The following SLC16A3 variants were observed in gnomAD, a reference collection of about 807,000 sequenced individuals.
SLC16A3 encodes the protein solute carrier family 16 member 3.
SLC16A3 carries 22 observed loss-of-function variants against 25.0 expected under a neutral mutation model. The observed-to-expected ratio is 0.88, with a 90% CI of 0.63 to 1.26. SLC16A3 has a LOEUF of 1.26. SLC16A3 is among the 50% of genes most tolerant of loss of function. SLC16A3 has a pLI of 0.00. For synonymous variants in SLC16A3, 390 were observed against 309.2 expected, an observed-to-expected ratio of 1.26 and a Z score of -2.74; for missense variants, 731 against 666.6, an observed-to-expected ratio of 1.10 and a Z score of -1.06.
chr17:82,228,827 G>A (rs1014699268), upstream of SLC16A3, among the ~76,000 whole-genome samples: 1 of 151,754 alleles, frequency 6.6e-6, no homozygotes, highest in African/African-American at 2.4e-5. Flanking sequence ...CTCCGGGCCG[G>A]GGGCGCCGAC....
chr17:82,233,469 C>T (rs141600907), intron 1 of SLC16A3, among the ~76,000 whole-genome samples: 1 of 152,128 alleles, frequency 6.6e-6, no homozygotes, highest in African/African-American at 2.4e-5. Flanking sequence ...AGGGGCGCCG[C>T]GTCTCCTGAG....
Position 82,239,163 on chromosome 17 carries a change from GTGGAT to G in SLC16A3, c.*188_*192del. On this transcript the variant is annotated 3_prime_UTR_variant, in exon 5 of 5. Coordinates refer to ENST00000582743, the MANE Select transcript of SLC16A3 (RefSeq NM_004207.4). Reference sequence around the variant, plus strand: ...GGGGTGGGAACCGTGTCATTCCAGAGTGGATCTGCGGTGAAGCCAAGCCGCAAGGT... The same window carrying G: ...GGGGTGGGAACCGTGTCATTCCAGAGCTGCGGTGAAGCCAAGCCGCAAGGT... 1.8e-6 allele frequency: 1 copy of G among 570,426 alleles called. No individual in the cohort carries two copies. Among genetic ancestry groups the G allele is most frequent in the Non-Finnish European group, 2.9e-6 (1 of 344,890 alleles). The allele number at this position is 570,426 out of a possible 1,614,324, so 35.3% of individuals were successfully genotyped here. A position where few individuals can be genotyped will look rare whatever the true frequency, so the allele number is the denominator to read the frequency against.
chr17:82,236,545 C>A, intron 2 of SLC16A3, 184 bp from the exon 3 acceptor site: 1 of 788,034 alleles, frequency 1.3e-6, no homozygotes, highest in Non-Finnish European at 2.0e-6. Context: ...AGGGGCCCAG[C>A]AGGCGGCGCT....
At chr17:82,232,414 G>GT (rs1268171444) in intron 1 of SLC16A3, 1 of 152,558 alleles carries the variant, frequency 6.6e-6, no homozygotes, top group Non-Finnish European at 1.5e-5. Flanking sequence ...GGTGCCCAGT[G>GT]CCCCCCAAGG....
At chr17:82,230,074 A>T (rs1179147009) in intron 1 of SLC16A3, 1 of 152,362 alleles carries the variant, frequency 6.6e-6, no homozygotes, top group Non-Finnish European at 1.5e-5. Context: ...CAAGGGTGGG[A>T]GGTCTTGTGT....
upstream of SLC16A3, among the ~76,000 whole-genome samples, chr17:82,226,431 G>A (rs545717207): frequency 1.4e-3 from 216 of 152,230 alleles, 1 homozygote; most frequent in African/African-American, 4.6e-3. Flanking sequence ...GCAGAGATGC[G>A]GACACACGTG....
chr17:82,220,771 GCTAATATCA>G (rs1190111884), intron 1 of SLC16A3, among the ~76,000 whole-genome samples: 1 of 151,938 alleles, frequency 6.6e-6, no homozygotes, highest in African/African-American at 2.4e-5. Context: ...AAACATAAGA[GCTAATATCA>G]CAAAACTCTC....
upstream of SLC16A3, among the ~76,000 whole-genome samples, chr17:82,226,950 C>T (rs2050426154): frequency 6.6e-6 from 1 of 151,930 alleles, no homozygotes; most frequent in Admixed American, 6.5e-5. Flanking sequence ...ACTGTGACCA[C>T]TCTGTGGTCT....
chr17:82,231,075 A>G (rs544399470), intron 1 of SLC16A3: 70 of 152,242 alleles, frequency 4.6e-4, no homozygotes, highest in African/African-American at 1.6e-3. Flanking sequence ...AGCGTCCAGT[A>G]GGGCGCCTAC....
In SLC16A3 at chr17:82,239,259, C is replaced by G. The variant is rs573112760; in HGVS notation, c.*283C>G. On this transcript the variant is annotated 3_prime_UTR_variant, in exon 5 of 5. Coordinates refer to ENST00000582743, the MANE Select transcript of SLC16A3 (RefSeq NM_004207.4). Reference sequence around the variant, plus strand: ...GGTGGCCTGCGGCCACTGCTATGCTCAAGGACCTGGAAACCCATGCTTCGA... The same window carrying G: ...GGTGGCCTGCGGCCACTGCTATGCTGAAGGACCTGGAAACCCATGCTTCGA... 3 of 213,694 alleles carry G rather than the reference C, an allele frequency of 1.4e-5. No homozygotes were observed. Among genetic ancestry groups the G allele is most frequent in the African/African-American group, 8.0e-5 (3 of 37,444 alleles). 13.2% of individuals were successfully genotyped at this position (213,694 alleles called of 1,614,324 possible). A position where few individuals can be genotyped will look rare whatever the true frequency, so the allele number is the denominator to read the frequency against.
At chr17:82,237,961 G>GGGGGACGCGCACCCCTCGGC in intron 4 of SLC16A3, 68 bp downstream of exon 4, 1 of 1,536,906 alleles carries the variant, frequency 6.5e-7, no homozygotes, top group East Asian at 2.3e-5. Context: ...TTTGCGAGGG[G>GGGGGACGCGCACCCCTCGGC]GGGGACGCGC....
At chr17:82,230,400 G>A (rs1441398479) in intron 1 of SLC16A3, 2 of 152,484 alleles carry the variant, frequency 1.3e-5, no homozygotes, top group African/African-American at 4.8e-5. Flanking sequence ...GCTTGGTAAC[G>A]ACCCCATGTG....
At chr17:82,234,382 C>G (rs1044466470) in intron 1 of SLC16A3, 1 of 152,436 alleles carries the variant, frequency 6.6e-6, no homozygotes, top group African/African-American at 2.4e-5. Context: ...GAAATGGTTC[C>G]GAGGCCTGGG....
chr17:82,237,599 G>C lies in SLC16A3; in HGVS notation c.829G>C (p.Ala277Pro). ...LTILGFIDIF[A>P]RPAAGFVAGL... ...CATCCTGGGCTTCATTGACATCTTC[G>C]CGCGGCCGGCCGCGGGCTTCGTGGC... Residue 277 changes from alanine (A) to proline (P), a missense_variant, in exon 4 of 5, where the codon GCG becomes CCG. Transcript: ENST00000582743. The C allele has an allele frequency of 2.5e-6, 4 of 1,612,462 alleles. No homozygotes were observed. Among genetic ancestry groups the C allele is most frequent in the Non-Finnish European group, 3.4e-6 (4 of 1,179,726 alleles).
chr17:82,236,355 C>T (rs2050601733), intron 2 of SLC16A3, 124 bp downstream of exon 2: 1 of 921,568 alleles, frequency 1.1e-6, no homozygotes, highest in Non-Finnish European at 1.7e-6. Context: ...GGAGGGAAGC[C>T]CTTGGGGCCA....
rs751479734 is a variant in SLC16A3 at position 82,237,717 on chromosome 17, G to C, written c.947G>C (p.Gly316Ala). The C allele has an allele frequency of 2.5e-6, 4 of 1,611,876 alleles. No homozygotes were observed. Among genetic ancestry groups the C allele is most frequent in the Non-Finnish European group, 3.4e-6 (4 of 1,179,666 alleles). ...GCGGACCTGGCGGGTTCTACGGCGG[G>C]CGACTACGGCGGCCTCGTGGTCTTC... ...GLADLAGSTA[G>A]DYGGLVVFCI... The change falls in exon 4 of 5, where the codon GGC becomes GCC. Residue 316 changes from glycine to alanine, a missense_variant. Physicochemically the swap from Gly to Ala is moderately conservative, Grantham distance 60. Coordinates refer to ENST00000582743, the MANE Select transcript of SLC16A3 (RefSeq NM_004207.4).
In SLC16A3 at chr17:82,236,862, G is replaced by A. The variant is rs765097644; in HGVS notation, c.357G>A (p.Gly119=). The A allele has an allele frequency of 1.1e-5, 17 of 1,605,774 alleles. No homozygotes were observed. Among genetic ancestry groups the A allele is most frequent in the South Asian group, 9.9e-5 (9 of 91,078 alleles). The change falls in exon 3 of 5, where the codon GGG becomes GGA. Residue 119 remains glycine, a synonymous_variant. Coordinates refer to ENST00000582743, the MANE Select transcript of SLC16A3 (RefSeq NM_004207.4). The stretch of plus-strand genomic sequence containing the variant: ...TCATCCAGGTCTACCTCACCACTGG[G>A]GTCATCACGGGTGAGTGGGGCCGGC... ...RSIIQVYLTT[G]VITGLGLALN...
rs2050615463 is a variant in SLC16A3 at position 82,236,846 on chromosome 17, TCTA to T, written c.343_345del (p.Tyr115del). 1.9e-6 allele frequency: 3 copies of T among 1,606,940 alleles called. No homozygotes were observed. The African/African-American group carries it at 4.0e-5, about 21-fold the overall frequency. On this transcript the variant is annotated inframe_deletion, in exon 3 of 5. Coordinates refer to ENST00000582743, the MANE Select transcript of SLC16A3 (RefSeq NM_004207.4). The stretch of plus-strand genomic sequence containing the variant: ...TCCTTTTGCCGGAGCATCATCCAGG[TCTA>T]CCTCACCACTGGGGTCATCACGGGT...
intron 2 of SLC16A3, 46 bp from the exon 3 acceptor site, chr17:82,236,683 A>G (rs924024166): frequency 6.3e-7 from 1 of 1,582,404 alleles, no homozygotes; most frequent in African/African-American, 1.3e-5. Context: ...TGGCGGGGGT[A>G]GAGCTGGCTG....
Sources: gnomAD v4.1 joint callset for allele counts (sites outside exome capture counted in the v4.1 genomes callset) on GRCh38, gnomAD v4.1.1 for gene constraint, MANE v1.5 for transcripts, NCBI Gene and HGNC (gene_info 2026-07-23, HGNC 2026-07-21) for gene names.